The following PID1 variants were observed in gnomAD, a reference collection of about 807,000 sequenced individuals.
PID1 encodes phosphotyrosine interaction domain containing 1.
A neutral mutation model predicts 19.1 loss-of-function variants in PID1; 10 were observed. That is an observed-to-expected ratio of 0.52 (90% CI 0.32 to 0.89). The LOEUF (loss-of-function observed/expected upper bound fraction) is 0.89. Among genes scored for constraint, PID1 ranks in the 40% least tolerant of loss-of-function variants. PID1 has a pLI of 0.03. For synonymous variants in PID1, 130 were observed against 116.0 expected (o/e 1.12, Z -0.78); for missense variants, 248 against 285.3 (o/e 0.87, Z 0.94).
rs983010181 is a variant in PID1, at chr2:229,025,473, T to C, written c.*159A>G. On this transcript the variant is annotated 3_prime_UTR_variant, in exon 3 of 3. Transcript: ENST00000392055. ...CAATGTAACGTAATTACTTTAATGATACATTTCTTTAGATTTAGAATTGCT... is the reference window on the plus strand; with the variant it reads ...CAATGTAACGTAATTACTTTAATGACACATTTCTTTAGATTTAGAATTGCT... The C allele has an allele frequency of 3.1e-6, 2 of 641,372 alleles. No homozygotes were observed. Among genetic ancestry groups the C allele is most frequent in the African/African-American group, 1.8e-5 (1 of 55,182 alleles). The allele number at this position is 641,372 out of a possible 1,614,324, so 39.7% of individuals were successfully genotyped here. A position where few individuals can be genotyped will look rare whatever the true frequency, so the allele number is the denominator to read the frequency against.
chr2:229,186,435 G>A (rs1466050544), intron 1 of PID1, among the ~76,000 whole-genome samples: 1 of 152,178 alleles, frequency 6.6e-6, no homozygotes, highest in Non-Finnish European at 1.5e-5. Context: ...CCTAGCAGAG[G>A]TTCTCCATAA....
Position 229,203,484 on chromosome 2 carries a change from A to T in PID1, c.31-47520T>A, listed in dbSNP as rs551636042. Among the ~76,000 whole-genome samples the T allele has an allele frequency of 2.7e-5, 4 of 150,418 alleles. No individual in the cohort carries two copies. The South Asian group carries it at 6.5e-4, about 24-fold the overall frequency. The stretch of plus-strand genomic sequence containing the variant: ...GAGAAAAAAAATGGTTTTACTATAC[A>T]TCATTTCACTTAAAGTCACAGTTTC... On this transcript the variant is annotated intron_variant, in intron 1 of 2. Coordinates refer to ENST00000392055, the MANE Select transcript of PID1 (RefSeq NM_001100818.2).
intron 1 of PID1, among the ~76,000 whole-genome samples, chr2:229,244,404 A>G (rs797005056): frequency 1.2e-4 from 18 of 152,286 alleles, no homozygotes; most frequent in African/African-American, 4.3e-4. Context: ...GTCTATAGGG[A>G]GTCCCCTCAA....
intron 1 of PID1, among the ~76,000 whole-genome samples, chr2:229,170,079 A>G (rs562991647): frequency 4.3e-4 from 65 of 152,356 alleles, no homozygotes; most frequent in African/African-American, 1.5e-3. Context: ...TAGAACTATG[A>G]AACGGAAACC....
intron 1 of PID1, among the ~76,000 whole-genome samples, chr2:229,160,798 A>C (rs1690477780): frequency 6.6e-6 from 1 of 152,192 alleles, no homozygotes; most frequent in Non-Finnish European, 1.5e-5. Context: ...TAAAGAGGGA[A>C]ATAAAATGTG....
At position 229,270,941 on chromosome 2, in the gene PID1, A is replaced by G. The variant is rs1401490494; in HGVS notation, c.30+73T>C. On this transcript the variant is annotated intron_variant, in intron 1 of 2. Transcript: ENST00000392055. The stretch of plus-strand genomic sequence containing the variant: ...TGGGCAAATCCCCTAAAGTAGGCAG[A>G]AGCAAAAACTAGGTTCCTCTGCCCG... The G allele has an allele frequency of 2.2e-6, 3 of 1,393,872 alleles. No homozygotes were observed. The Admixed American group carries it at 7.1e-5, about 33-fold the overall frequency. The allele number at this position is 1,393,872 out of a possible 1,614,324, so 86.3% of individuals were successfully genotyped here. A position where few individuals can be genotyped will look rare whatever the true frequency, so the allele number is the denominator to read the frequency against.
intron 2 of PID1, among the ~76,000 whole-genome samples, chr2:229,104,803 G>A (rs1043335000): frequency 2.0e-5 from 3 of 152,198 alleles, no homozygotes; most frequent in South Asian, 2.1e-4. Flanking sequence ...TATAAGGATG[G>A]AATGAAAAGA....
intron 1 of PID1, among the ~76,000 whole-genome samples, chr2:229,165,651 T>C (rs17676310): frequency 0.1 from 15,466 of 151,962 alleles, 1,023 homozygotes; most frequent in South Asian, 0.25. Flanking sequence ...TGAGGGTTAA[T>C]AAACCAGTTA....
At chr2:229,108,340 CCTGTAACTA>C (rs1375321073) in intron 2 of PID1, among the ~76,000 whole-genome samples, 5 of 152,114 alleles carry the variant, frequency 3.3e-5, no homozygotes, top group African/African-American at 1.2e-4. Flanking sequence ...CACTACGCAC[CCTGTAACTA>C]CTACTTTGAG....
chr2:229,116,703 C>A (rs1260497724), intron 2 of PID1, among the ~76,000 whole-genome samples: 1 of 152,146 alleles, frequency 6.6e-6, no homozygotes, highest in African/African-American at 2.4e-5. Context: ...CCCAACCATG[C>A]AGAACTGTGA....
intron 2 of PID1, among the ~76,000 whole-genome samples, chr2:229,116,319 T>A (rs1348946404): frequency 6.6e-6 from 1 of 152,050 alleles, no homozygotes; most frequent in Non-Finnish European, 1.5e-5. Context: ...GGATGCTGAG[T>A]CTTTATGCTT....
chr2:229,074,675 A>T (rs746618020), intron 2 of PID1, among the ~76,000 whole-genome samples: 21 of 152,220 alleles, frequency 1.4e-4, no homozygotes, highest in Non-Finnish European at 2.4e-4. Flanking sequence ...GGTAGAAATG[A>T]GTTAATTAGC....
At chr2:229,097,010 TG>T (rs1412732842) in intron 2 of PID1, among the ~76,000 whole-genome samples, 1 of 152,200 alleles carries the variant, frequency 6.6e-6, no homozygotes, top group Non-Finnish European at 1.5e-5. Flanking sequence ...AATGTCACCC[TG>T]AGTTTGATTA....
At chr2:229,264,425 C>G (rs886898517) in intron 1 of PID1, among the ~76,000 whole-genome samples, 1 of 152,234 alleles carries the variant, frequency 6.6e-6, no homozygotes, top group East Asian at 1.9e-4. Context: ...GATAGTCACA[C>G]CCAGGCCTCT....
chr2:229,025,969 C>G lies in PID1; in HGVS notation c.317G>C (p.Arg106Pro), dbSNP rs769912855. The G allele has an allele frequency of 1.9e-6, 3 of 1,614,066 alleles. No homozygotes were observed. The highest frequency in any genetic ancestry group is 2.5e-6 in the Non-Finnish European group (3 of 1,180,026). The change falls in exon 3 of 3, where the codon CGG (arginine) becomes CCG (proline). Residue 106 changes from arginine (R) to proline (P), a missense_variant. Arg to Pro is a moderately radical substitution (Grantham distance 103). Coordinates refer to ENST00000392055, the MANE Select transcript of PID1 (RefSeq NM_001100818.2). ...ATGATGGAGCCAAACTTGGAATGGC[C>G]GGATTTCCAGGAGGGCATTGGCCGG... ...VFPANALLEI[R>P]PFQVWLHHLD...
At chr2:229,191,745 G>T (rs1460822983) in intron 1 of PID1, among the ~76,000 whole-genome samples, 1 of 152,128 alleles carries the variant, frequency 6.6e-6, no homozygotes, top group Non-Finnish European at 1.5e-5. Flanking sequence ...TTAAAAATTG[G>T]TTAGTCAAAT....
intron 1 of PID1, among the ~76,000 whole-genome samples, chr2:229,222,800 G>A (rs915675862): frequency 2.6e-5 from 4 of 151,706 alleles, no homozygotes; most frequent in East Asian, 3.9e-4. Context: ...TGCTGGGTCC[G>A]GATTTCTCAG....
At chr2:229,041,523 C>T (rs570195754) in intron 2 of PID1, among the ~76,000 whole-genome samples, 7 of 152,200 alleles carry the variant, frequency 4.6e-5, no homozygotes, top group Non-Finnish European at 8.8e-5. Context: ...AGAAAATCAC[C>T]GTTTGACTCC....
chr2:229,150,411 C>T (rs756504838), intron 2 of PID1, among the ~76,000 whole-genome samples: 14 of 152,040 alleles, frequency 9.2e-5, no homozygotes, highest in African/African-American at 1.2e-4. Context: ...ACCAGCCATA[C>T]GAAAAGGATG....
Sources: allele counts gnomAD v4.1 joint callset (sites outside exome capture counted in the v4.1 genomes callset), GRCh38; gene constraint gnomAD v4.1.1; transcripts MANE v1.5; gene names NCBI Gene and HGNC (gene_info 2026-07-23, HGNC 2026-07-21).